RFLNA: variants seen among roughly 807,000 people sequenced by gnomAD.
The protein encoded by RFLNA is refilin-A.
A neutral mutation model predicts 7.8 loss-of-function variants in RFLNA; 5 were observed. The observed-to-expected ratio is 0.64, with a 90% CI of 0.34 to 1.35. The LOEUF (loss-of-function observed/expected upper bound fraction) is 1.35. Among genes scored for constraint, RFLNA ranks in the 40% most tolerant of loss-of-function variants. RFLNA has a pLI of 0.04. For synonymous variants in RFLNA, 141 were observed against 131.3 expected, an observed-to-expected ratio of 1.07 and a Z score of -0.50; for missense variants, 278 against 305.5, an observed-to-expected ratio of 0.91 and a Z score of 0.67.
intron 1 of RFLNA, among the ~76,000 whole-genome samples, chr12:124,304,025 C>T (rs1447136193): frequency 6.6e-6 from 1 of 152,232 alleles, no homozygotes; most frequent in Non-Finnish European, 1.5e-5. Context: ...GGCAGTATCT[C>T]GCTCCCGCGT....
At chr12:124,305,572 C>G (rs1424444422) in intron 1 of RFLNA, among the ~76,000 whole-genome samples, 1 of 152,192 alleles carries the variant, frequency 6.6e-6, no homozygotes, top group Non-Finnish European at 1.5e-5. Context: ...CAGAAAGAGT[C>G]CATTCCTGTG....
chr12:124,300,990 AATGG>A (rs1490323776), intron 1 of RFLNA, among the ~76,000 whole-genome samples: 3 of 152,106 alleles, frequency 2.0e-5, no homozygotes, highest in Non-Finnish European at 2.9e-5. Flanking sequence ...ATGGAGGATG[AATGG>A]ATGAACAGAT....
intron 1 of RFLNA, among the ~76,000 whole-genome samples, chr12:124,297,118 G>A (rs2033942526): frequency 6.6e-6 from 1 of 152,136 alleles, no homozygotes; most frequent in African/African-American, 2.4e-5. Context: ...GTGGTGCCTT[G>A]CACAGTGGGG....
intron 1 of RFLNA, among the ~76,000 whole-genome samples, chr12:124,310,271 G>A (rs2034218516): frequency 6.6e-6 from 1 of 151,212 alleles, no homozygotes; most frequent in East Asian, 2.0e-4. Context: ...TGCTGGGCTG[G>A]CCCTGAAGGA....
At position 124,314,758 on chromosome 12, in the gene RFLNA, A is replaced by T; in HGVS notation, c.*233A>T. On this transcript the variant is annotated 3_prime_UTR_variant, in exon 3 of 3. Transcript: ENST00000546355. Reference sequence around the variant, plus strand: ...ACTCAGTAAAAGCATCTATTTTTTTAGCACTTAAGCTGGCAAGGCGGTAGG... The same window carrying T: ...ACTCAGTAAAAGCATCTATTTTTTTTGCACTTAAGCTGGCAAGGCGGTAGG... 1 of 780,054 alleles carries T rather than the reference A, an allele frequency of 1.3e-6. No individual in the cohort carries two copies. The highest frequency in any genetic ancestry group is 2.2e-6 in the Non-Finnish European group (1 of 458,232). 48.3% of individuals were successfully genotyped at this position (780,054 alleles called of 1,614,324 possible).
At position 124,295,400 on chromosome 12, in the gene RFLNA, C is replaced by T; in HGVS notation, c.-30C>T. On this transcript the variant is annotated 5_prime_UTR_variant, in exon 1 of 3. Coordinates refer to ENST00000546355, the MANE Select transcript of RFLNA (RefSeq NM_001365156.1). ...CGCGGTGGAGAAGCCCCCGGAGGAG[C>T]GGGGGGCCCGCGCCCCGCGCCCCCC... 1.7e-6 allele frequency: 2 copies of T among 1,180,634 alleles called. No homozygotes were observed. Among genetic ancestry groups the T allele is most frequent in the Non-Finnish European group, 2.1e-6 (2 of 945,826 alleles). 73.1% of individuals were successfully genotyped at this position (1,180,634 alleles called of 1,614,324 possible). A position where few individuals can be genotyped will look rare whatever the true frequency, so the allele number is the denominator to read the frequency against.
rs1348683890 is a variant in RFLNA, at chr12:124,289,826, G to A, written c.-37+456G>A. ...TGAGACAGGCCACCGGGGAACATGC[G>A]ACTCCCCGGGGCAGGGAGGCATCCC... On this transcript the variant is annotated intron_variant, in intron 1 of 2. Coordinates refer to the RFLNA transcript ENST00000324038. This position sits in a 1 kb window ranked among gnomAD's most constrained non-coding sequence, Gnocchi z 5.0. Among the ~76,000 whole-genome samples the A allele has an allele frequency of 1.3e-5, 2 of 152,110 alleles. No homozygotes were observed. Among genetic ancestry groups the A allele is most frequent in the South Asian group, 2.1e-4 (1 of 4,822 alleles).
chr12:124,308,786 G>T (rs1176193652), intron 1 of RFLNA, among the ~76,000 whole-genome samples: 1 of 152,212 alleles, frequency 6.6e-6, no homozygotes, highest in Non-Finnish European at 1.5e-5. Flanking sequence ...TTCTCTGAGG[G>T]CCTCTGCACA....
rs780671090 is a variant in RFLNA, at chr12:124,314,656, G to A, written c.*131G>A. 4.8e-6 allele frequency: 7 copies of A among 1,455,804 alleles called. No individual in the cohort carries two copies. The highest frequency in any genetic ancestry group is 2.5e-5 in the East Asian group (1 of 40,486). The allele number at this position is 1,455,804 out of a possible 1,614,324, so 90.2% of individuals were successfully genotyped here. On this transcript the variant is annotated 3_prime_UTR_variant, in exon 3 of 3. Coordinates refer to ENST00000546355, the MANE Select transcript of RFLNA (RefSeq NM_001365156.1). ...AGGGAGGCTGCCAGACCAAGGACCC[G>A]TGTGGAAGGAGGCGGCTCCCCGCTG... is the stretch of plus-strand genomic sequence containing the variant.
intron 1 of RFLNA, among the ~76,000 whole-genome samples, chr12:124,299,183 C>T (rs2033983418): frequency 6.6e-6 from 1 of 152,248 alleles, no homozygotes. Flanking sequence ...GAGGAGGGTG[C>T]CCGTGCGGGA....
chr12:124,296,631 CCTCCTCCCCACAGCGGAAAGGAGCGG>C (rs2033934742), intron 1 of RFLNA, among the ~76,000 whole-genome samples: 1 of 152,220 alleles, frequency 6.6e-6, no homozygotes, highest in Non-Finnish European at 1.5e-5. Flanking sequence ...CGCTGAAAAT[CCTCCTCCCCACAGCGGAAAGGAGCGG>C]CTCCCCGGCC....
chr12:124,313,094 C>A (rs141026306), intron 2 of RFLNA, among the ~76,000 whole-genome samples: 64 of 152,346 alleles, frequency 4.2e-4, no homozygotes, highest in African/African-American at 1.5e-3. Context: ...CCCAAACAGC[C>A]TTCATTGTCT....
At position 124,295,419 on chromosome 12, in the gene RFLNA, G is replaced by A. The variant is rs1769454677; in HGVS notation, c.-11G>A. ...GAGGAGCGGGGGGCCCGCGCCCCGC[G>A]CCCCCCAGACATGGTGGGCCACCTG... On this transcript the variant is annotated 5_prime_UTR_variant, in exon 1 of 3. Coordinates refer to ENST00000546355, the MANE Select transcript of RFLNA (RefSeq NM_001365156.1). 10 of 1,227,542 alleles carry A rather than the reference G, an allele frequency of 8.1e-6. No homozygotes were observed. Among genetic ancestry groups the A allele is most frequent in the Non-Finnish European group, 8.1e-6 (8 of 984,606 alleles). 76.0% of individuals were successfully genotyped at this position (1,227,542 alleles called of 1,614,324 possible). A position where few individuals can be genotyped will look rare whatever the true frequency, so the allele number is the denominator to read the frequency against.
chr12:124,291,547 G>A (rs746925921), upstream of RFLNA, among the ~76,000 whole-genome samples: 48 of 152,156 alleles, frequency 3.2e-4, no homozygotes, highest in Non-Finnish European at 5.1e-4. Context: ...ATGAGCCACC[G>A]TTCCTGGCCT....
In RFLNA at chr12:124,304,034, G is replaced by A. The variant is rs577273123; in HGVS notation, c.208-7784G>A. 5.3e-5 allele frequency among the ~76,000 whole-genome samples: 8 copies of A among 152,374 alleles called. 1 individual carries two copies. Among genetic ancestry groups the A allele is most frequent in the South Asian group, 4.1e-4 (2 of 4,834 alleles). On this transcript the variant is annotated intron_variant, in intron 1 of 2. Transcript: ENST00000546355. ...GTCTTCGGCAGTATCTCGCTCCCGC[G>A]TGGCTGGAAAGTCGGACTTCAGGGC...
intron 1 of RFLNA, among the ~76,000 whole-genome samples, chr12:124,298,499 C>T (rs1436994055): frequency 6.6e-6 from 1 of 152,204 alleles, no homozygotes; most frequent in African/African-American, 2.4e-5. Flanking sequence ...GGGAACATTC[C>T]CGATCACTCC....
In RFLNA at chr12:124,295,523, C is replaced by G. The variant is rs1437443240; in HGVS notation, c.94C>G (p.Pro32Ala). 1.7e-5 allele frequency: 21 copies of G among 1,261,476 alleles called. No homozygotes were observed. The South Asian group carries it at 2.4e-4, about 14-fold the overall frequency. The allele number at this position is 1,261,476 out of a possible 1,614,324, so 78.1% of individuals were successfully genotyped here. Residue 32 changes from proline to alanine, a missense_variant, in exon 1 of 3, where the codon CCC becomes GCC. Pro to Ala is a conservative substitution (Grantham distance 27). Transcript: ENST00000546355. ...LLDSPDSGLP[P>A]SPSPSPPFYS... ...GGACAGCCCCGACTCCGGGCTGCCC[C>G]CCAGCCCCAGCCCCAGCCCGCCCTT...
In RFLNA at chr12:124,302,840, AGGGCCGAGGTCAG is replaced by A. The variant is rs1444601154; in HGVS notation, c.207+7234_207+7246del. Among the ~76,000 whole-genome samples the A allele has an allele frequency of 3.7e-3, 243 of 64,842 alleles. 5 individuals carry two copies. The highest frequency in any genetic ancestry group is 5.8e-3 in the South Asian group (10 of 1,724). The allele number at this position is 64,842 out of a possible 152,430, so 42.5% of individuals were successfully genotyped here. A position where few individuals can be genotyped will look rare whatever the true frequency, so the allele number is the denominator to read the frequency against. On this transcript the variant is annotated intron_variant, in intron 1 of 2. Coordinates refer to ENST00000546355, the MANE Select transcript of RFLNA (RefSeq NM_001365156.1). ...GGCCGAGGTCAGGGGCCGAGGTCAG[AGGGCCGAGGTCAG>A]GGGCCGAGGTCAGGGGCCGAGGTCA...
At chr12:124,300,785 T>C (rs1466188021) in intron 1 of RFLNA, among the ~76,000 whole-genome samples, 1,632 of 118,212 alleles carry the variant, frequency 0.014, 10 homozygotes, top group Middle Eastern at 0.036. Context: ...GACGGATGGA[T>C]GGATGGATGG....
Sources: allele counts gnomAD v4.1 joint callset (sites outside exome capture counted in the v4.1 genomes callset), GRCh38; gene constraint gnomAD v4.1.1; non-coding constraint Gnocchi (gnomAD v3.1); transcripts MANE v1.5; gene names NCBI Gene and HGNC (gene_info 2026-07-23, HGNC 2026-07-21).